Variants in TMEM18 observed in about 807,000 individuals in gnomAD.
The protein encoded by TMEM18 is transmembrane protein 18.
Under a neutral mutation model 17.4 loss-of-function variants are expected in TMEM18, and 14 were observed. The ratio of observed to expected loss-of-function variants is 0.80; its 90% CI spans 0.53 to 1.25. The LOEUF (loss-of-function observed/expected upper bound fraction) is 1.25. TMEM18 is among the 50% of genes most tolerant of loss of function. TMEM18 has a pLI of 0.00. For missense variants in TMEM18, 187 were observed against 172.1 expected (o/e 1.09, Z -0.48); for synonymous variants, 86 against 66.1 (o/e 1.30, Z -1.46).
At chr2:673,948 G>A (rs1558181765) in intron 2 of TMEM18, among the ~76,000 whole-genome samples, 1 of 152,072 alleles carries the variant, frequency 6.6e-6, no homozygotes, top group Non-Finnish European at 1.5e-5. Flanking sequence ...GGCAGGGAGG[G>A]TGTCACCAGG....
Position 665,327 on chromosome 2 carries a change from GCAGATGCACCACTCACTCAGATA to G in TMEM18, c.*4230_*4252del, listed in dbSNP as rs1678654302. Among the ~76,000 whole-genome samples the G allele has an allele frequency of 1.3e-5, 2 of 151,602 alleles. No homozygotes were observed. The highest frequency in any genetic ancestry group is 4.9e-5 in the African/African-American group (2 of 41,190). On this transcript the variant is annotated 3_prime_UTR_variant, in exon 5 of 5. Transcript: ENST00000281017. ...CCCACATAAAATAGAACCCAGAGAT[GCAGATGCACCACTCACTCAGATA>G]GAGAATCAACCCCACATAAACTAGA...
At chr2:673,098 C>G (rs1352668806) in intron 2 of TMEM18, among the ~76,000 whole-genome samples, 1 of 152,246 alleles carries the variant, frequency 6.6e-6, no homozygotes, top group Non-Finnish European at 1.5e-5. Context: ...AGAGCCCGTG[C>G]TCAGGTCAGC....
chr2:677,261 A>G, intron 1 of TMEM18, 28 bp downstream of exon 1: 1 of 1,604,802 alleles, frequency 6.2e-7, no homozygotes, highest in Non-Finnish European at 8.5e-7. Flanking sequence ...CCTCCCCCGA[A>G]CTGGTGGTTA....
At chr2:676,574 C>A in intron 1 of TMEM18, 1 of 1,550,488 alleles carries the variant, frequency 6.4e-7, no homozygotes, top group South Asian at 1.2e-5. Context: ...ATGCACCCAC[C>A]AGAAGACCAG....
intron 2 of TMEM18, among the ~76,000 whole-genome samples, chr2:673,535 C>T (rs561736008): frequency 1.3e-5 from 2 of 152,250 alleles, no homozygotes; most frequent in Admixed American, 6.5e-5. Context: ...AAATATGATT[C>T]GGCAAATTAA....
rs1348061446 is a variant in TMEM18, at chr2:667,997, T to C, written c.*1583A>G. 1.3e-5 allele frequency: 2 copies of C among 152,252 alleles called. No homozygotes were observed. The highest frequency in any genetic ancestry group is 2.4e-5 in the African/African-American group (1 of 41,476). 9.4% of individuals were successfully genotyped at this position (152,252 alleles called of 1,614,324 possible). On this transcript the variant is annotated 3_prime_UTR_variant, in exon 5 of 5. Coordinates refer to ENST00000281017, the MANE Select transcript of TMEM18 (RefSeq NM_152834.4). The stretch of plus-strand genomic sequence containing the variant: ...ATTACTTTATAAACAAGAAGTTTAA[T>C]TGACTCAGTTCCACATGGCCGGGGA...
chr2:664,048 C>T lies in TMEM18; in HGVS notation c.*5532G>A, dbSNP rs983174018. The stretch of plus-strand genomic sequence containing the variant: ...AGCAAAAGGATATTCGGTTTGGAGG[C>T]TAGAGAAGGAAGCAATGATGCTGCC... On this transcript the variant is annotated 3_prime_UTR_variant, in exon 5 of 5. Transcript: ENST00000281017. 3.9e-5 allele frequency among the ~76,000 whole-genome samples: 6 copies of T among 152,222 alleles called. No homozygotes were observed. The highest frequency in any genetic ancestry group is 4.1e-4 in the South Asian group (2 of 4,820).
rs531637142 is a variant in TMEM18, at chr2:676,945, C to CA, written c.57+343dup. Among the ~76,000 whole-genome samples, 102 of 152,184 alleles carry CA rather than the reference C, an allele frequency of 6.7e-4. 3 individuals carry two copies. In the South Asian group the frequency reaches 0.02, roughly 30 times the overall value. On this transcript the variant is annotated intron_variant, in intron 1 of 4. Coordinates refer to ENST00000281017, the MANE Select transcript of TMEM18 (RefSeq NM_152834.4). ...GCCAGCCCAGCCCAAGCCCGGGCCA[C>CA]AGAGCGCCGGAGCCAGCTCACTGCG...
intron 3 of TMEM18, 178 bp from the exon 4 acceptor site, chr2:670,028 T>C: frequency 1.7e-6 from 1 of 585,530 alleles, no homozygotes; most frequent in Non-Finnish European, 3.0e-6. Context: ...CCAAATGCAA[T>C]GAATGCTCAT....
chr2:677,145 A>T (rs1273587641), intron 1 of TMEM18, 144 bp downstream of exon 1: 15 of 1,057,030 alleles, frequency 1.4e-5, no homozygotes, highest in Middle Eastern at 6.0e-4. Flanking sequence ...AGGTCTCAGG[A>T]CCCTGCCCAG....
At position 666,609 on chromosome 2, in the gene TMEM18, G is replaced by A. The variant is rs1433391169; in HGVS notation, c.*2971C>T. Reference sequence around the variant, plus strand: ...CTCGCCGCCCCATCCTGCCTTCCCTGTGCAGCAACCAGGGCTTGGAGACAT... The same window carrying A: ...CTCGCCGCCCCATCCTGCCTTCCCTATGCAGCAACCAGGGCTTGGAGACAT... On this transcript the variant is annotated 3_prime_UTR_variant, in exon 5 of 5. Transcript: ENST00000281017. Among the ~76,000 whole-genome samples the A allele has an allele frequency of 6.6e-6, 1 of 152,152 alleles. No individual in the cohort carries two copies. Among genetic ancestry groups the A allele is most frequent in the Non-Finnish European group, 1.5e-5 (1 of 68,020 alleles).
chr2:677,348 T>C lies in TMEM18; in HGVS notation c.-3A>G, dbSNP rs756878974. On this transcript the variant is annotated 5_prime_UTR_variant, in exon 1 of 5. Transcript: ENST00000281017. The stretch of plus-strand genomic sequence containing the variant: ...CTGACAGAGAAGGCGGACGGCATGG[T>C]GTTGGGAAGCCCGCTCTCACAGCAA... 1 of 1,611,310 alleles carries C rather than the reference T, an allele frequency of 6.2e-7. No homozygotes were observed. The highest frequency in any genetic ancestry group is 1.3e-5 in the African/African-American group (1 of 74,968).
intron 3 of TMEM18, chr2:670,825 G>A (rs1157759070): frequency 1.3e-5 from 2 of 152,694 alleles, no homozygotes; most frequent in Non-Finnish European, 2.9e-5. Context: ...TGGGGGAGCT[G>A]GGGACACTCT....
chr2:676,224 G>A lies in TMEM18; in HGVS notation c.58-594C>T, dbSNP rs1350101193. 4.3e-6 allele frequency: 6 copies of A among 1,394,530 alleles called. No homozygotes were observed. The East Asian group carries it at 1.9e-4, about 44-fold the overall frequency. 86.4% of individuals were successfully genotyped at this position (1,394,530 alleles called of 1,614,324 possible). A position where few individuals can be genotyped will look rare whatever the true frequency, so the allele number is the denominator to read the frequency against. ...CACTCCGCCGCCTCCTGGACTCCCC[G>A]GGACCCTGCTGTACCTGGGGACAGT... On this transcript the variant is annotated intron_variant, in intron 1 of 4. Transcript: ENST00000281017.
intron 2 of TMEM18, among the ~76,000 whole-genome samples, chr2:674,716 C>T (rs1244979047): frequency 6.6e-6 from 1 of 152,272 alleles, no homozygotes; most frequent in Non-Finnish European, 1.5e-5. Context: ...AGCCAGCTAA[C>T]TAAACTTATC....
intron 2 of TMEM18, among the ~76,000 whole-genome samples, chr2:673,732 A>AGGGAGGAGG (rs1678918675): frequency 1.8e-5 from 1 of 55,206 alleles, no homozygotes; most frequent in Non-Finnish European, 3.6e-5. Context: ...AGGGGAGGGG[A>AGGGAGGAGG]GGGAGGAGGA....
chr2:674,617 T>C (rs1315608441), intron 2 of TMEM18, among the ~76,000 whole-genome samples: 1 of 152,248 alleles, frequency 6.6e-6, no homozygotes, highest in Non-Finnish European at 1.5e-5. Context: ...AGCGCCTCAC[T>C]TGCATAGGCC....
Position 669,361 on chromosome 2 carries a change from A to G in TMEM18, c.*219T>C. The G allele has an allele frequency of 1.7e-6, 1 of 577,956 alleles. No homozygotes were observed. 35.8% of individuals were successfully genotyped at this position (577,956 alleles called of 1,614,324 possible). A position where few individuals can be genotyped will look rare whatever the true frequency, so the allele number is the denominator to read the frequency against. On this transcript the variant is annotated 3_prime_UTR_variant, in exon 5 of 5. Coordinates refer to ENST00000281017, the MANE Select transcript of TMEM18 (RefSeq NM_152834.4). ...GAGACCGTTCCCACAGCCTGACTAC[A>G]AAGATCAGGCACCTGAAGACGCATG...
chr2:667,233 C>A lies in TMEM18; in HGVS notation c.*2347G>T, dbSNP rs2103088280. The stretch of plus-strand genomic sequence containing the variant: ...CCAGATGCTGCAGCAAAGGGACCTG[C>A]CAGCCAAAGGTGGAGCTAAGTTCCA... On this transcript the variant is annotated 3_prime_UTR_variant, in exon 5 of 5. Coordinates refer to ENST00000281017, the MANE Select transcript of TMEM18 (RefSeq NM_152834.4). 1 of 152,102 alleles carries A rather than the reference C, an allele frequency of 6.6e-6. No homozygotes were observed. The highest frequency in any genetic ancestry group is 1.9e-4 in the East Asian group (1 of 5,182). 9.4% of individuals were successfully genotyped at this position (152,102 alleles called of 1,614,324 possible). A position where few individuals can be genotyped will look rare whatever the true frequency, so the allele number is the denominator to read the frequency against.
Sources: gnomAD v4.1 joint callset for allele counts (sites outside exome capture counted in the v4.1 genomes callset) on GRCh38, gnomAD v4.1.1 for gene constraint, MANE v1.5 for transcripts, NCBI Gene and HGNC (gene_info 2026-07-23, HGNC 2026-07-21) for gene names.